Variants in RNF220 observed in about 807,000 individuals in gnomAD.
RNF220 encodes the protein ring finger protein 220, also known as E3 ubiquitin-protein ligase RNF220.
Under a neutral mutation model 67.1 loss-of-function variants are expected in RNF220, and 7 were observed. The ratio of observed to expected loss-of-function variants is 0.10; its 90% CI spans 0.06 to 0.20. The LOEUF is 0.20. RNF220 is among the 10% of genes least tolerant of loss of function. The pLI is 1.00. For synonymous variants in RNF220, 270 were observed against 283.2 expected, an observed-to-expected ratio of 0.95 and a Z score of 0.47; for missense variants, 565 against 740.3, an observed-to-expected ratio of 0.76 and a Z score of 2.75.
At chr1:44,575,163 C>T (rs1007934982) in intron 2 of RNF220, among the ~76,000 whole-genome samples, 2 of 152,148 alleles carry the variant, frequency 1.3e-5, no homozygotes, top group African/African-American at 4.8e-5. Flanking sequence ...ATTAACCAAC[C>T]TCTCTTCATC....
Position 44,434,325 on chromosome 1 carries a change from G to A in RNF220, c.625+21603G>A, listed in dbSNP as rs377477032. Among the ~76,000 whole-genome samples the A allele has an allele frequency of 2.6e-5, 4 of 152,242 alleles. No individual in the cohort carries two copies. The South Asian group carries it at 8.3e-4, about 32-fold the overall frequency. On this transcript the variant is annotated intron_variant, in intron 2 of 14. Coordinates refer to ENST00000361799, the MANE Select transcript of RNF220 (RefSeq NM_018150.4). ...AGCCAGACCTCTGTAAATCTTTTAGGCCACGGAGAGTTGGATTTTATTTTG... is the reference window on the plus strand; with the variant it reads ...AGCCAGACCTCTGTAAATCTTTTAGACCACGGAGAGTTGGATTTTATTTTG...
chr1:44,555,771 G>A lies in RNF220; in HGVS notation c.626-58394G>A, dbSNP rs575457882. Among the ~76,000 whole-genome samples the A allele has an allele frequency of 8.8e-4, 133 of 150,488 alleles. 1 individual carries two copies. The highest frequency in any genetic ancestry group is 3.1e-4 in the Non-Finnish European group (21 of 67,982). On this transcript the variant is annotated intron_variant, in intron 2 of 14. Transcript: ENST00000361799. ...ATTACAGGCGTGAGCCACCGCGCCT[G>A]GCCTGAATGTACCAATTTATTTTTA...
intron 2 of RNF220, among the ~76,000 whole-genome samples, chr1:44,484,257 AAAG>A (rs1656085029): frequency 1.3e-5 from 2 of 152,038 alleles, no homozygotes; most frequent in South Asian, 4.2e-4. Context: ...AGAAGAAAAA[AAAG>A]AGCATGAAGG....
chr1:44,471,773 G>A (rs780060088), intron 2 of RNF220, among the ~76,000 whole-genome samples: 6 of 151,798 alleles, frequency 4.0e-5, no homozygotes, highest in South Asian at 2.1e-4. Context: ...GCGGTGAGCC[G>A]AGATCGCACC....
In RNF220 at chr1:44,417,099, C is replaced by T. The variant is rs1380030220; in HGVS notation, c.625+4377C>T. 1.3e-5 allele frequency among the ~76,000 whole-genome samples: 2 copies of T among 152,084 alleles called. No individual in the cohort carries two copies. The highest frequency in any genetic ancestry group is 4.8e-5 in the African/African-American group (2 of 41,422). ...TTCTTGCTAGGGAGAATGTTTGGGGCATGCCAGGTGGCCAGGCTGCACCTC... is the reference window on the plus strand; with the variant it reads ...TTCTTGCTAGGGAGAATGTTTGGGGTATGCCAGGTGGCCAGGCTGCACCTC... On this transcript the variant is annotated intron_variant, in intron 2 of 14. Coordinates refer to ENST00000361799, the MANE Select transcript of RNF220 (RefSeq NM_018150.4). This position sits in a 1 kb window ranked among gnomAD's most constrained non-coding sequence, Gnocchi z 4.0.
In RNF220 at chr1:44,623,102, CAAAG is replaced by C. The variant is rs1393731297; in HGVS notation, c.804+316_804+319del. 3.9e-5 allele frequency among the ~76,000 whole-genome samples: 6 copies of C among 152,032 alleles called. No homozygotes were observed. In the East Asian group the frequency reaches 7.7e-4, roughly 20 times the overall value. On this transcript the variant is annotated intron_variant, in intron 4 of 14. Coordinates refer to ENST00000361799, the MANE Select transcript of RNF220 (RefSeq NM_018150.4). ...CCCAGACACTAAGGGTGAGAAGACTCAAAGGAAGAAAGTGAGCTATAGCAGATGA... is the reference window on the plus strand; with the variant it reads ...CCCAGACACTAAGGGTGAGAAGACTCGAAGAAAGTGAGCTATAGCAGATGA...
At chr1:44,505,337 G>C (rs548539181) in intron 2 of RNF220, among the ~76,000 whole-genome samples, 1 of 152,290 alleles carries the variant, frequency 6.6e-6, no homozygotes, top group South Asian at 2.1e-4. Context: ...TTCCCTCTTG[G>C]TTAGACTCTG....
At chr1:44,635,329 A>T in intron 6 of RNF220, 1 of 561,736 alleles carries the variant, frequency 1.8e-6, no homozygotes, top group Non-Finnish European at 3.1e-6. Context: ...GGACTTACTC[A>T]CTGGCTTAGT....
chr1:44,635,995 C>T lies in RNF220; in HGVS notation c.994-35C>T, dbSNP rs746931436. On this transcript the variant is annotated intron_variant, in intron 7 of 14. Coordinates refer to ENST00000361799, the MANE Select transcript of RNF220 (RefSeq NM_018150.4). The stretch of plus-strand genomic sequence containing the variant: ...ACTGTGGGGAGCAGGTGGGGATGGC[C>T]TGGGCCCAGCATGATCCTGCTCTGC... 4 of 1,613,970 alleles carry T rather than the reference C, an allele frequency of 2.5e-6. No individual in the cohort carries two copies. The South Asian group carries it at 4.4e-5, about 18-fold the overall frequency.
At position 44,405,511 on chromosome 1, in the gene RNF220, C is replaced by T. The variant is rs1647249985; in HGVS notation, c.-137C>T. 4.3e-6 allele frequency: 2 copies of T among 460,612 alleles called. No individual in the cohort carries two copies. The highest frequency in any genetic ancestry group is 7.7e-6 in the Non-Finnish European group (2 of 258,254). The allele number at this position is 460,612 out of a possible 1,614,324, so 28.5% of individuals were successfully genotyped here. The stretch of plus-strand genomic sequence containing the variant: ...TGTCCTGAAAAGTGCGACCGTTCTC[C>T]CAAGGAATTTCCACGGCAAGTATGG... On this transcript the variant is annotated 5_prime_UTR_variant, in exon 1 of 15. Transcript: ENST00000361799.
At chr1:44,445,311 C>G (rs1291676756) in intron 2 of RNF220, among the ~76,000 whole-genome samples, 2 of 152,176 alleles carry the variant, frequency 1.3e-5, no homozygotes, top group African/African-American at 4.8e-5. Flanking sequence ...TCTGTATCTC[C>G]AGTCTCAAAC....
In RNF220 at chr1:44,636,181, T is replaced by C. The variant is rs1262475219; in HGVS notation, c.1126+19T>C. The C allele has an allele frequency of 1.3e-6, 2 of 1,587,836 alleles. No individual in the cohort carries two copies. ...TTCCGAGGTACAAGCAGCTGACACG[T>C]AGACATTGGCACTCTGGTGCCAGGC... On this transcript the variant is annotated intron_variant, in intron 8 of 14. Coordinates refer to ENST00000361799, the MANE Select transcript of RNF220 (RefSeq NM_018150.4).
chr1:44,632,711 T>G (rs1644200153), intron 6 of RNF220: 2 of 488,908 alleles, frequency 4.1e-6, no homozygotes, highest in South Asian at 4.9e-5. Flanking sequence ...TGCTGGGACC[T>G]CACTATACAA....
In RNF220 at chr1:44,650,058, C is replaced by T. The variant is rs528577166; in HGVS notation, c.1629+101C>T. 201 of 1,264,840 alleles carry T rather than the reference C, an allele frequency of 1.6e-4. 2 individuals carry two copies. The South Asian group carries it at 2.4e-3, about 15-fold the overall frequency. The allele number at this position is 1,264,840 out of a possible 1,614,324, so 78.4% of individuals were successfully genotyped here. On this transcript the variant is annotated intron_variant, in intron 14 of 14. Coordinates refer to ENST00000361799, the MANE Select transcript of RNF220 (RefSeq NM_018150.4). The surrounding 1 kb of genome is among the most constrained non-coding windows in gnomAD (Gnocchi z 4.3). Reference sequence around the variant, plus strand: ...TGCCTGGGGGAAGTGGGGAGCATGGCGCAAAGGAGAACAGAGCCAGGAGCC... The same window carrying T: ...TGCCTGGGGGAAGTGGGGAGCATGGTGCAAAGGAGAACAGAGCCAGGAGCC...
In RNF220 at chr1:44,412,515, A is replaced by G. The variant is rs1478429114; in HGVS notation, c.418A>G (p.Lys140Glu). ...ESYQSAFTPA[K>E]RLKNCHDTES... ...CTATCAGTCAGCCTTTACGCCGGCC[A>G]AGCGACTTAAGAACTGCCATGACAC... The change falls in exon 2 of 15, where the codon AAG becomes GAG. Residue 140 changes from lysine (K) to glutamate (E), a missense_variant. Coordinates refer to ENST00000361799, the MANE Select transcript of RNF220 (RefSeq NM_018150.4). This position sits in a 1 kb window ranked among gnomAD's most constrained non-coding sequence, Gnocchi z 5.3. 6.2e-7 allele frequency: 1 copy of G among 1,613,950 alleles called. No homozygotes were observed. The highest frequency in any genetic ancestry group is 2.2e-5 in the East Asian group (1 of 44,882).
chr1:44,580,030 CAAAAAAAAAA>C (rs61499825), intron 2 of RNF220, among the ~76,000 whole-genome samples: 17 of 65,262 alleles, frequency 2.6e-4, no homozygotes, highest in Non-Finnish European at 3.8e-4. Context: ...CCCTGTCTCA[CAAAAAAAAAA>C]AAAAAAAAAA....
At position 44,443,586 on chromosome 1, in the gene RNF220, C is replaced by T. The variant is rs563034944; in HGVS notation, c.625+30864C>T. Among the ~76,000 whole-genome samples the T allele has an allele frequency of 5.3e-5, 8 of 152,356 alleles. No homozygotes were observed. In the South Asian group the frequency reaches 1.7e-3, roughly 32 times the overall value. ...CCCACAAGTCTTCAGCCTCCCGTTC[C>T]AGGCTCTTTTCTCACCATTCTCCTC... On this transcript the variant is annotated intron_variant, in intron 2 of 14. Transcript: ENST00000361799.
chr1:44,407,330 G>C (rs1188881399), intron 1 of RNF220, among the ~76,000 whole-genome samples: 1 of 152,228 alleles, frequency 6.6e-6, no homozygotes, highest in Non-Finnish European at 1.5e-5. Context: ...GCAGCGAGGG[G>C]ACTGGGGGGA....
At chr1:44,445,099 G>A (rs563014685) in intron 2 of RNF220, among the ~76,000 whole-genome samples, 36 of 152,156 alleles carry the variant, frequency 2.4e-4, no homozygotes, top group African/African-American at 6.3e-4. Flanking sequence ...CTACATTCCC[G>A]TGGTTACTGA....
Sources: allele counts gnomAD v4.1 joint callset (sites outside exome capture counted in the v4.1 genomes callset), GRCh38; gene constraint gnomAD v4.1.1; non-coding constraint Gnocchi (gnomAD v3.1); transcripts MANE v1.5; gene names NCBI Gene and HGNC (gene_info 2026-07-23, HGNC 2026-07-21).